The following DIP2C variants were observed in gnomAD, a reference collection of about 807,000 sequenced individuals.
DIP2C encodes the protein disco-interacting protein 2 homolog C.
Under a neutral mutation model 192.4 loss-of-function variants are expected in DIP2C, and 33 were observed. The observed-to-expected ratio is 0.17, with a 90% CI of 0.13 to 0.23. The LOEUF (loss-of-function observed/expected upper bound fraction) is 0.23. Ranked by LOEUF, DIP2C falls within the 10% of genes least tolerant of loss-of-function variation. DIP2C has a pLI of 1.00. For missense variants in DIP2C, 1,537 were observed against 2,110.1 expected, an observed-to-expected ratio of 0.73 and a Z score of 5.32; for synonymous variants, 979 against 864.1, an observed-to-expected ratio of 1.13 and a Z score of -2.33.
intron 1 of DIP2C, among the ~76,000 whole-genome samples, chr10:643,180 T>C (rs1324985268): frequency 3.6e-5 from 5 of 139,134 alleles, no homozygotes; most frequent in Admixed American, 1.5e-4. Context: ...ATCGCGCCAC[T>C]GCACTCCAGC....
rs565036532 is a variant in DIP2C, at chr10:488,819, G to A, written c.86-2289C>T. Among the ~76,000 whole-genome samples the A allele has an allele frequency of 2.6e-5, 4 of 152,290 alleles. No homozygotes were observed. The South Asian group carries it at 6.2e-4, about 24-fold the overall frequency. ...ACATGCACAGTTATCCTTAAAACCAGACAATGTCCCATAGAACTGTGCCCC... is the reference window on the plus strand; with the variant it reads ...ACATGCACAGTTATCCTTAAAACCAAACAATGTCCCATAGAACTGTGCCCC... On this transcript the variant is annotated intron_variant, in intron 1 of 36. Transcript: ENST00000280886.
At chr10:284,418 AT>A (rs778844964) in intron 34 of DIP2C, among the ~76,000 whole-genome samples, 3 of 152,230 alleles carry the variant, frequency 2.0e-5, no homozygotes, top group Non-Finnish European at 4.4e-5. Context: ...TTACTCAGCC[AT>A]AAAAAAGGAG....
At chr10:532,436 A>T (rs893067262) in intron 1 of DIP2C, among the ~76,000 whole-genome samples, 1 of 152,238 alleles carries the variant, frequency 6.6e-6, no homozygotes, top group Non-Finnish European at 1.5e-5. Flanking sequence ...CAAATGAGTC[A>T]ACATCTACCT....
intron 11 of DIP2C, 27 bp downstream of exon 11, chr10:390,713 C>T (rs370033595): frequency 1.4e-5 from 22 of 1,604,686 alleles, no homozygotes; most frequent in Middle Eastern, 1.7e-4. Flanking sequence ...CGTGGGCATG[C>T]GAGCTCTCGG....
At chr10:550,898 C>G (rs951730350) in intron 1 of DIP2C, among the ~76,000 whole-genome samples, 9 of 152,212 alleles carry the variant, frequency 5.9e-5, no homozygotes, top group African/African-American at 2.2e-4. Context: ...GCCTGCACAC[C>G]CGATGCGAAC....
intron 1 of DIP2C, among the ~76,000 whole-genome samples, chr10:616,134 G>A (rs1853457482): frequency 6.6e-6 from 1 of 152,140 alleles, no homozygotes; most frequent in African/African-American, 2.4e-5. Context: ...ACACACTTGA[G>A]AAACAAAAGC....
chr10:505,182 C>T (rs1845510375), intron 1 of DIP2C, among the ~76,000 whole-genome samples: 1 of 152,164 alleles, frequency 6.6e-6, no homozygotes, highest in African/African-American at 2.4e-5. Context: ...GGAGCAATTC[C>T]AATTGCTGAT....
chr10:531,191 C>A (rs1300506960), intron 1 of DIP2C, among the ~76,000 whole-genome samples: 1 of 152,276 alleles, frequency 6.6e-6, no homozygotes, highest in East Asian at 1.9e-4. Flanking sequence ...TAACTCACTG[C>A]GTGTGTGCTG....
intron 10 of DIP2C, among the ~76,000 whole-genome samples, chr10:396,900 C>A (rs1964035889): frequency 6.6e-6 from 1 of 152,158 alleles, no homozygotes; most frequent in East Asian, 1.9e-4. Context: ...ACCACAGACT[C>A]CCCTGCCTCT....
intron 1 of DIP2C, among the ~76,000 whole-genome samples, chr10:548,567 C>T (rs1160796910): frequency 4.0e-5 from 4 of 100,688 alleles, no homozygotes; most frequent in Middle Eastern, 5.7e-3. Context: ...GTGATGTGGC[C>T]GGGAGGGAGG....
chr10:682,505 A>G (rs1831170434), intron 1 of DIP2C, among the ~76,000 whole-genome samples: 1 of 152,208 alleles, frequency 6.6e-6, no homozygotes, highest in African/African-American at 2.4e-5. Context: ...AAACACCTGT[A>G]AGAAATGGTC....
chr10:314,028 A>T (rs1956669764), intron 31 of DIP2C, among the ~76,000 whole-genome samples: 1 of 152,262 alleles, frequency 6.6e-6, no homozygotes, highest in Admixed American at 6.5e-5. Context: ...CTTATGTAGT[A>T]CACTAGGTAA....
intron 31 of DIP2C, among the ~76,000 whole-genome samples, chr10:325,534 C>T (rs1417753672): frequency 6.6e-6 from 1 of 152,086 alleles, no homozygotes; most frequent in Non-Finnish European, 1.5e-5. Flanking sequence ...TCCTCTTGCC[C>T]GGGGGTCCCT....
chr10:306,942 G>C (rs370085362), intron 32 of DIP2C, among the ~76,000 whole-genome samples: 74 of 152,206 alleles, frequency 4.9e-4, no homozygotes, highest in African/African-American at 1.6e-3. Context: ...TGGAGAAGTC[G>C]GAGTCATGCA....
At chr10:305,306 T>C (rs574024588) in intron 32 of DIP2C, among the ~76,000 whole-genome samples, 2 of 152,170 alleles carry the variant, frequency 1.3e-5, no homozygotes, top group Non-Finnish European at 2.9e-5. Context: ...CACACATGCA[T>C]GTATGCACAG....
intron 1 of DIP2C, among the ~76,000 whole-genome samples, chr10:498,778 G>A (rs547720662): frequency 4.6e-5 from 7 of 152,242 alleles, no homozygotes; most frequent in East Asian, 3.9e-4. Context: ...CCCACTCACC[G>A]TTTCCCAGTA....
intron 1 of DIP2C, among the ~76,000 whole-genome samples, chr10:610,039 C>G (rs1238483345): frequency 6.6e-6 from 1 of 152,142 alleles, no homozygotes; most frequent in East Asian, 1.9e-4. Flanking sequence ...AGCTTCAATG[C>G]AGCACCGTCC....
intron 1 of DIP2C, among the ~76,000 whole-genome samples, chr10:570,688 C>T (rs1003705439): frequency 6.6e-6 from 1 of 152,188 alleles, no homozygotes; most frequent in Admixed American, 6.5e-5. Context: ...TGTGTAGCAC[C>T]ATCCAACTGA....
chr10:672,790 A>G (rs1396015659), intron 1 of DIP2C, among the ~76,000 whole-genome samples: 1 of 152,214 alleles, frequency 6.6e-6, no homozygotes, highest in African/African-American at 2.4e-5. Flanking sequence ...TTGACCAGAA[A>G]CATAAAGATT....
Sources: gnomAD v4.1 joint callset for allele counts (sites outside exome capture counted in the v4.1 genomes callset) on GRCh38, gnomAD v4.1.1 for gene constraint, MANE v1.5 for transcripts, NCBI Gene and HGNC (gene_info 2026-07-23, HGNC 2026-07-21) for gene names.